NOL6: variants seen among roughly 807,000 people sequenced by gnomAD.
NOL6 encodes nucleolar RNA-associated protein.
A neutral mutation model predicts 131.7 loss-of-function variants in NOL6; 33 were observed. The observed-to-expected ratio is 0.25, with a 90% CI of 0.19 to 0.33. The LOEUF (loss-of-function observed/expected upper bound fraction) is 0.33, where lower values mean the gene tolerates loss of function less well. NOL6 is among the 10% of genes least tolerant of loss of function. The pLI, the probability that NOL6 is intolerant of heterozygous loss-of-function variation, is 1.00. For missense variants in NOL6, 1,297 were observed against 1,494.5 expected, an observed-to-expected ratio of 0.87 and a Z score of 2.18; for synonymous variants, 580 against 605.7, an observed-to-expected ratio of 0.96 and a Z score of 0.62.
chr9:33,467,332 G>C lies in NOL6; in HGVS notation c.1725+62C>G. ...TGTGGACCCTCCCCAACAAGCTTCAGTCCAGGTGCCATGAGGACGAGCCAC... is the reference window on the plus strand; with the variant it reads ...TGTGGACCCTCCCCAACAAGCTTCACTCCAGGTGCCATGAGGACGAGCCAC... On this transcript the variant is annotated intron_variant, in intron 13 of 25. Transcript: ENST00000297990. This position sits in a 1 kb window ranked among gnomAD's most constrained non-coding sequence, Gnocchi z 4.4. 1.2e-6 allele frequency: 2 copies of C among 1,610,486 alleles called. No homozygotes were observed. Among genetic ancestry groups the C allele is most frequent in the South Asian group, 2.2e-5 (2 of 91,006 alleles).
chr9:33,464,872 C>T lies in NOL6; in HGVS notation c.2779+7G>A. 6.3e-7 allele frequency: 1 copy of T among 1,599,276 alleles called. No individual in the cohort carries two copies. The highest frequency in any genetic ancestry group is 8.6e-7 in the Non-Finnish European group (1 of 1,166,730). ...TCCAGCAGTCTGACCCCTGTTCTAC[C>T]ACTTACCAGTGAGCTCATTATTGAG... On this transcript the variant is annotated splice_region_variant and intron_variant, in intron 21 of 25. Transcript: ENST00000297990.
At chr9:33,473,672 C>A in intron 1 of NOL6, 117 bp downstream of exon 1, 1 of 1,214,502 alleles carries the variant, frequency 8.2e-7, no homozygotes, top group Non-Finnish European at 1.2e-6. Flanking sequence ...GAAACATCCT[C>A]CAGAATGGGC....
chr9:33,468,867 C>T lies in NOL6; in HGVS notation c.1032G>A (p.Gln344=). 6.2e-7 allele frequency: 1 copy of T among 1,614,184 alleles called. No individual in the cohort carries two copies. Among genetic ancestry groups the T allele is most frequent in the Non-Finnish European group, 8.5e-7 (1 of 1,180,032 alleles). Residue 344 remains glutamine, a synonymous_variant, in exon 8 of 26, where the codon CAG becomes CAA. Coordinates refer to ENST00000297990, the MANE Select transcript of NOL6 (RefSeq NM_022917.5). ...WLRQRELDKG[Q]GGFTGFLVSM... ...AGACAAGGAACCCAGTAAACCCACC[C>T]TGGCCCTGAAAGAGACAGGGAGAGG... is the stretch of plus-strand genomic sequence containing the variant.
In NOL6 at chr9:33,465,728, C is replaced by T; in HGVS notation, c.2528+6G>A. On this transcript the variant is annotated splice_donor_region_variant and intron_variant, in intron 19 of 25. Transcript: ENST00000297990. ...AGACAGGAAGAAGCTGTGTCAGTGG[C>T]CTTACCCGTGCAGGGCACTGGTGAG... 2 of 1,610,320 alleles carry T rather than the reference C, an allele frequency of 1.2e-6. No individual in the cohort carries two copies. Among genetic ancestry groups the T allele is most frequent in the Non-Finnish European group, 1.7e-6 (2 of 1,177,984 alleles).
At position 33,466,983 on chromosome 9, in the gene NOL6, C is replaced by T; in HGVS notation, c.1879G>A (p.Ala627Thr). 1 of 1,614,162 alleles carries T rather than the reference C, an allele frequency of 6.2e-7. No individual in the cohort carries two copies. Among genetic ancestry groups the T allele is most frequent in the Non-Finnish European group, 8.5e-7 (1 of 1,180,012 alleles). The change falls in exon 15 of 26, where the codon GCT becomes ACT. Residue 627 changes from alanine to threonine, a missense_variant. Transcript: ENST00000297990. ...QVVTHLLALHADIPETCVHYV... is the reference protein window; with the variant it reads ...QVVTHLLALHTDIPETCVHYV... The stretch of plus-strand genomic sequence containing the variant: ...TGGACACAGGTTTCTGGGATGTCAG[C>T]ATGGCTGAAAAAGAGGCAGAGACAC...
At chr9:33,463,220 C>T (rs545951853) in intron 24 of NOL6, 27 bp downstream of exon 24, 1 of 1,612,632 alleles carries the variant, frequency 6.2e-7, no homozygotes, top group Admixed American at 1.7e-5. Flanking sequence ...GTCCCCTCCC[C>T]AGGTCATTCA....
rs758585488 is a variant in NOL6 at position 33,466,445 on chromosome 9, G to A, written c.2092-20C>T. On this transcript the variant is annotated intron_variant, in intron 16 of 25. Coordinates refer to ENST00000297990, the MANE Select transcript of NOL6 (RefSeq NM_022917.5). Reference sequence around the variant, plus strand: ...GAACACCTGTGGAAGAAGAGGGGCTGAGGAATGGGCCTAGGACTGGGAGGG... The same window carrying A: ...GAACACCTGTGGAAGAAGAGGGGCTAAGGAATGGGCCTAGGACTGGGAGGG... 113 of 1,613,496 alleles carry A rather than the reference G, an allele frequency of 7.0e-5. No homozygotes were observed. Among genetic ancestry groups the A allele is most frequent in the Non-Finnish European group, 9.2e-5 (109 of 1,179,526 alleles).
chr9:33,462,710 C>A lies in NOL6; in HGVS notation c.3395G>T (p.Gly1132Val). The A allele has an allele frequency of 1.2e-6, 2 of 1,614,176 alleles. No homozygotes were observed. Among genetic ancestry groups the A allele is most frequent in the Non-Finnish European group, 1.7e-6 (2 of 1,180,022 alleles). Residue 1132 changes from glycine (G) to valine (V), a missense_variant, in exon 26 of 26, where the codon GGC becomes GTC. Transcript: ENST00000297990. ...TCGGGCCTCCACAGTCTGCACCAGG[C>A]CTTCACCCAGCACAGCAAAGTCCTC... is the stretch of plus-strand genomic sequence containing the variant. ...ILEDFAVLGE[G>V]LVQTVEARSE...
Position 33,464,091 on chromosome 9 carries a change from A to G in NOL6, c.2850T>C (p.Val950=). ...CAGAGTTTTTGCGGTCTTGGGGGGT[A>G]ACAATGACCATGACGGGGAGCTGTG... ...ARAQLPVMVI[V]TPQDRKNSVW... is the part of the protein sequence containing the mutation. Residue 950 remains valine, a synonymous_variant, in exon 22 of 26, where the codon GTT becomes GTC. Transcript: ENST00000297990. 1.2e-6 allele frequency: 2 copies of G among 1,613,740 alleles called. No individual in the cohort carries two copies.
At chr9:33,465,565 G>A (rs1449643331) in intron 19 of NOL6, among the ~76,000 whole-genome samples, 169 bp downstream of exon 19, 1 of 152,284 alleles carries the variant, frequency 6.6e-6, no homozygotes, top group East Asian at 1.9e-4. Context: ...CTGACCATAG[G>A]GTCACAGTCA....
chr9:33,463,373 C>A lies in NOL6; in HGVS notation c.3063G>T (p.Arg1021=), dbSNP rs1210439850. Residue 1021 remains arginine, a synonymous_variant, in exon 24 of 26, where the codon CGG becomes CGT. Coordinates refer to ENST00000297990, the MANE Select transcript of NOL6 (RefSeq NM_022917.5). ...CTGGCGAGTCCACAGCCTGGCGGTG[C>A]CGCGGGATATGGCGAGGAGACAGGC... ...LIRLSPRHIP[R]HRQAVDSPAA... 1 of 1,613,890 alleles carries A rather than the reference C, an allele frequency of 6.2e-7. No homozygotes were observed. The highest frequency in any genetic ancestry group is 8.5e-7 in the Non-Finnish European group (1 of 1,179,976).
In NOL6 at chr9:33,467,860, G is replaced by A; in HGVS notation, c.1433C>T (p.Pro478Leu). 6.3e-7 allele frequency: 1 copy of A among 1,589,822 alleles called. No homozygotes were observed. Among genetic ancestry groups the A allele is most frequent in the Non-Finnish European group, 8.6e-7 (1 of 1,167,198 alleles). Reference sequence around the variant, plus strand: ...GCACGCTGCCTGCAGGCGACTCAGTGGACGGAGACTGGAGGGGTACAAAGG... The same window carrying A: ...GCACGCTGCCTGCAGGCGACTCAGTAGACGGAGACTGGAGGGGTACAAAGG... ...RAFDHVLHLR[P>L]LSRLQAACHR... The change falls in exon 12 of 26, where the codon CCA (proline) becomes CTA (leucine). Residue 478 changes from proline (P) to leucine (L), a missense_variant. Coordinates refer to ENST00000297990, the MANE Select transcript of NOL6 (RefSeq NM_022917.5). This position sits in a 1 kb window ranked among gnomAD's most constrained non-coding sequence, Gnocchi z 4.4.
chr9:33,466,366 C>T lies in NOL6; in HGVS notation c.2151G>A (p.Arg717=), dbSNP rs1827242470. 6.2e-7 allele frequency: 1 copy of T among 1,614,222 alleles called. No homozygotes were observed. The highest frequency in any genetic ancestry group is 8.5e-7 in the Non-Finnish European group (1 of 1,180,038). Residue 717 remains arginine (R), a synonymous_variant, in exon 17 of 26, where the codon CGG becomes CGA. Transcript: ENST00000297990. ...TATCGAGCCGGGGCAGCAGTGAGGA[C>T]CGCTCCCGCAGAGTCTCATAGAAGG... The part of the protein sequence containing the change: ...AFSFYETLRE[R]SSLLPRLDKP...
rs754078191 is a variant in NOL6 at position 33,463,459 on chromosome 9, G to T, written c.2995-18C>A. 6.3e-7 allele frequency: 1 copy of T among 1,595,766 alleles called. No individual in the cohort carries two copies. The highest frequency in any genetic ancestry group is 1.3e-5 in the African/African-American group (1 of 74,724). On this transcript the variant is annotated intron_variant, in intron 23 of 25. Transcript: ENST00000297990. ...AACACTGTCTAAGGAAGGGGAGAAGGAGGGGTCAGCAGGACCCCCTTGACT... is the reference window on the plus strand; with the variant it reads ...AACACTGTCTAAGGAAGGGGAGAAGTAGGGGTCAGCAGGACCCCCTTGACT...
At position 33,466,675 on chromosome 9, in the gene NOL6, G is replaced by A. The variant is rs144642460; in HGVS notation, c.1985C>T (p.Ala662Val). ...SSTGEEALVA[A>V]VRCYDDLSRL... is the part of the protein sequence containing the mutation. ...ACTGAGGTCGTCGTAGCAACGTACC[G>A]CCGCTACCAGGGCCTCCTCACCTGT... is the stretch of plus-strand genomic sequence containing the variant. Residue 662 changes from alanine to valine, a missense_variant, in exon 16 of 26, where the codon GCG (alanine) becomes GTG (valine). Coordinates refer to ENST00000297990, the MANE Select transcript of NOL6 (RefSeq NM_022917.5). The A allele has an allele frequency of 1.7e-4, 271 of 1,613,806 alleles. 1 individual carries two copies. The highest frequency in any genetic ancestry group is 1.2e-3 in the East Asian group (52 of 44,880).
chr9:33,467,750 C>T lies in NOL6; in HGVS notation c.1543G>A (p.Glu515Lys). Reference sequence around the variant, plus strand: ...TTCAGCCGAGCCCCCAGGCCCTGCTCCAGGAGGGTGGTCAGGGGGCCCAAA... The same window carrying T: ...TTCAGCCGAGCCCCCAGGCCCTGCTTCAGGAGGGTGGTCAGGGGGCCCAAA... ...AALGPLTTLL[E>K]QGLGARLNLL... The change falls in exon 12 of 26, where the codon GAG becomes AAG. Residue 515 changes from glutamate to lysine, a missense_variant. Coordinates refer to ENST00000297990, the MANE Select transcript of NOL6 (RefSeq NM_022917.5). This position sits in a 1 kb window ranked among gnomAD's most constrained non-coding sequence, Gnocchi z 4.4. The T allele has an allele frequency of 1.9e-6, 3 of 1,608,932 alleles. No homozygotes were observed. In the South Asian group the frequency reaches 3.3e-5, roughly 18 times the overall value.
chr9:33,473,683 CG>C, intron 1 of NOL6, 105 bp downstream of exon 1: 1 of 1,339,458 alleles, frequency 7.5e-7, no homozygotes, highest in Non-Finnish European at 1.0e-6. Context: ...CAGAATGGGC[CG>C]CCGGCATGGC....
intron 3 of NOL6, 82 bp downstream of exon 3, chr9:33,471,922 G>C: frequency 1.0e-6 from 1 of 998,222 alleles, no homozygotes; most frequent in East Asian, 2.4e-5. Flanking sequence ...CCCTTAAACA[G>C]AGTAACAGCA....
In NOL6 at chr9:33,467,720, G is replaced by A. The variant is rs754010982; in HGVS notation, c.1573C>T (p.Leu525=). ...EQGLGARLNL[L]AHSRPPVPEW... ...GGGACTGGGGGTCGAGAGTGAGCCA[G>A]CAGGTTCAGCCGAGCCCCCAGGCCC... The change falls in exon 12 of 26, where the codon CTG becomes TTG. Residue 525 remains leucine (L), a synonymous_variant. Transcript: ENST00000297990. This position sits in a 1 kb window ranked among gnomAD's most constrained non-coding sequence, Gnocchi z 4.4. 2 of 1,579,458 alleles carry A rather than the reference G, an allele frequency of 1.3e-6. No individual in the cohort carries two copies. The highest frequency in any genetic ancestry group is 1.2e-5 in the South Asian group (1 of 84,850).
Sources: allele counts gnomAD v4.1 joint callset (sites outside exome capture counted in the v4.1 genomes callset), GRCh38; gene constraint gnomAD v4.1.1; non-coding constraint Gnocchi (gnomAD v3.1); transcripts MANE v1.5; gene names NCBI Gene and HGNC (gene_info 2026-07-23, HGNC 2026-07-21).